The following COL21A1 variants were observed in gnomAD, a reference collection of about 807,000 sequenced individuals.
The protein encoded by COL21A1 is collagen alpha-1(XXI) chain.
A neutral mutation model predicts 137.9 loss-of-function variants in COL21A1; 149 were observed. The observed-to-expected ratio is 1.08, with a 90% CI of 0.95 to 1.24. COL21A1 has a LOEUF of 1.24. Among genes scored for constraint, COL21A1 ranks in the 50% most tolerant of loss-of-function variants. The pLI is 0.00. For missense variants in COL21A1, 1,167 were observed against 1,158.4 expected (o/e 1.01, Z -0.11); for synonymous variants, 456 against 391.5 (o/e 1.16, Z -1.95).
rs1770070671 is a variant in COL21A1, at chr6:56,098,648, A to ATATAAATATATAT, written c.1812+2823_1812+2824insATATATATTTATA. Among the ~76,000 whole-genome samples, 2 of 11,382 alleles carry ATATAAATATATAT rather than the reference A, an allele frequency of 1.8e-4. 1 individual carries two copies. Among genetic ancestry groups the ATATAAATATATAT allele is most frequent in the African/African-American group, 9.7e-4 (2 of 2,058 alleles). The allele number at this position is 11,382 out of a possible 152,430, so 7.5% of individuals were successfully genotyped here. A position where few individuals can be genotyped will look rare whatever the true frequency, so the allele number is the denominator to read the frequency against. On this transcript the variant is annotated intron_variant, in intron 17 of 29. Coordinates refer to ENST00000244728, the MANE Select transcript of COL21A1 (RefSeq NM_030820.4). ...ATAAATATATATATAAATATATATA[A>ATATAAATATATAT]ATATATAAATATATATAAATATATA...
intron 1 of COL21A1, among the ~76,000 whole-genome samples, chr6:56,324,842 A>G (rs10733186): frequency 0.99 from 149,908 of 152,068 alleles, 73,923 homozygotes; most frequent in Middle Eastern, 1. Flanking sequence ...CTCACCATCT[A>G]TCTTAAAGCG....
chr6:56,320,518 AAC>A (rs55942460), intron 1 of COL21A1, among the ~76,000 whole-genome samples: 16,929 of 149,496 alleles, frequency 0.11, 2,147 homozygotes, highest in East Asian at 0.54. Flanking sequence ...ACACAATCTG[AAC>A]ACACACACAC....
intron 1 of COL21A1, among the ~76,000 whole-genome samples, chr6:56,311,557 A>G (rs959183145): frequency 6.6e-6 from 1 of 152,222 alleles, no homozygotes; most frequent in Non-Finnish European, 1.5e-5. Context: ...TATAACAGGC[A>G]AACAGGGTTT....
intron 1 of COL21A1, among the ~76,000 whole-genome samples, chr6:56,203,125 T>G (rs1009806970): frequency 1.3e-5 from 2 of 152,202 alleles, no homozygotes; most frequent in African/African-American, 4.8e-5. Context: ...AATGGAAAAC[T>G]AATAAAACTT....
At chr6:56,086,478 G>A (rs1426386648) in intron 17 of COL21A1, among the ~76,000 whole-genome samples, 4 of 152,078 alleles carry the variant, frequency 2.6e-5, no homozygotes, top group African/African-American at 9.7e-5. Context: ...AAAGAAACTA[G>A]AGAAAAGCAA....
At chr6:56,301,661 C>G (rs1271782669) in intron 1 of COL21A1, among the ~76,000 whole-genome samples, 1 of 151,882 alleles carries the variant, frequency 6.6e-6, no homozygotes, top group African/African-American at 2.4e-5. Flanking sequence ...ATGTACTGTC[C>G]AACACAATAG....
Position 56,126,094 on chromosome 6 carries a change from A to G in COL21A1, c.1596+2T>C, listed in dbSNP as rs972233385. The G allele has an allele frequency of 9.7e-6, 15 of 1,539,948 alleles. No individual in the cohort carries two copies. Among genetic ancestry groups the G allele is most frequent in the Middle Eastern group, 3.3e-4 (2 of 5,992 alleles). The stretch of plus-strand genomic sequence containing the variant: ...TATTTAAAAGAAACAGATTTCTTCA[A>G]CCTTTGATCCTGGCATGCCATGAAG... On this transcript the variant is annotated splice_donor_variant, in intron 13 of 29. Coordinates refer to ENST00000244728, the MANE Select transcript of COL21A1 (RefSeq NM_030820.4). LOFTEE classifies it high-confidence loss of function.
intron 1 of COL21A1, among the ~76,000 whole-genome samples, chr6:56,322,463 G>A (rs1314469727): frequency 6.6e-6 from 1 of 152,110 alleles, no homozygotes; most frequent in African/African-American, 2.4e-5. Flanking sequence ...CCAGGAGATT[G>A]TCAAATCCCA....
chr6:56,152,020 T>C (rs1775371520), intron 10 of COL21A1, among the ~76,000 whole-genome samples: 1 of 152,242 alleles, frequency 6.6e-6, no homozygotes, highest in Admixed American at 6.5e-5. Flanking sequence ...ATCAGTTTCC[T>C]ACTGCTGCTA....
At chr6:56,257,475 A>T (rs1347846169) in intron 1 of COL21A1, among the ~76,000 whole-genome samples, 1 of 152,188 alleles carries the variant, frequency 6.6e-6, no homozygotes, top group Admixed American at 6.5e-5. Flanking sequence ...TAAATATATG[A>T]ACACATAAAT....
chr6:56,085,896 T>G (rs2114176131), intron 17 of COL21A1, among the ~76,000 whole-genome samples: 1 of 149,426 alleles, frequency 6.7e-6, no homozygotes, highest in East Asian at 1.9e-4. Flanking sequence ...GAGTATCATT[T>G]ATTTATATAT....
chr6:56,144,406 G>T (rs541942975), intron 10 of COL21A1, among the ~76,000 whole-genome samples: 1 of 152,162 alleles, frequency 6.6e-6, no homozygotes, highest in Admixed American at 6.5e-5. Context: ...TTAGAATTCT[G>T]AGTGCCCAGA....
intron 9 of COL21A1, among the ~76,000 whole-genome samples, chr6:56,163,773 A>G (rs888360670): frequency 6.6e-6 from 1 of 152,178 alleles, no homozygotes; most frequent in African/African-American, 2.4e-5. Flanking sequence ...CATATTATGT[A>G]TAAAACAACC....
intron 12 of COL21A1, among the ~76,000 whole-genome samples, chr6:56,128,860 G>A (rs1773267405): frequency 6.6e-6 from 1 of 152,032 alleles, no homozygotes; most frequent in South Asian, 2.1e-4. Context: ...TCACCCTGTT[G>A]GCCATGGTGG....
chr6:56,100,361 T>G (rs375245265), intron 17 of COL21A1, among the ~76,000 whole-genome samples: 1 of 152,314 alleles, frequency 6.6e-6, no homozygotes. Flanking sequence ...AATAGCCCCA[T>G]GCATTTGTGC....
intron 21 of COL21A1, among the ~76,000 whole-genome samples, chr6:56,069,451 T>C (rs548402060): frequency 5.2e-4 from 79 of 151,362 alleles, no homozygotes; most frequent in African/African-American, 1.8e-3. Flanking sequence ...CTTTTTTGTT[T>C]ACCTATTTAC....
At chr6:56,374,799 A>G (rs1364916800) in intron 1 of COL21A1, among the ~76,000 whole-genome samples, 1 of 152,132 alleles carries the variant, frequency 6.6e-6, no homozygotes, top group African/African-American at 2.4e-5. Flanking sequence ...GACATTCAGT[A>G]ACATCTAGGT....
At position 56,057,541 on chromosome 6, in the gene COL21A1, A is replaced by T. The variant is rs572511593; in HGVS notation, c.*116T>A. 3 of 943,318 alleles carry T rather than the reference A, an allele frequency of 3.2e-6. No individual in the cohort carries two copies. The highest frequency in any genetic ancestry group is 2.7e-5 in the East Asian group (1 of 37,422). 58.4% of individuals were successfully genotyped at this position (943,318 alleles called of 1,614,324 possible). A position where few individuals can be genotyped will look rare whatever the true frequency, so the allele number is the denominator to read the frequency against. On this transcript the variant is annotated 3_prime_UTR_variant, in exon 30 of 30. Coordinates refer to ENST00000244728, the MANE Select transcript of COL21A1 (RefSeq NM_030820.4). Reference sequence around the variant, plus strand: ...TTTTTTTCCATAAGAAAAAAAAAATAAAAACACCGAGGTACTTAAGTTTCT... The same window carrying T: ...TTTTTTTCCATAAGAAAAAAAAAATTAAAACACCGAGGTACTTAAGTTTCT...
intron 1 of COL21A1, among the ~76,000 whole-genome samples, chr6:56,230,061 G>T (rs1781456752): frequency 1.3e-5 from 2 of 151,830 alleles, no homozygotes; most frequent in African/African-American, 4.8e-5. Flanking sequence ...TAAATATTAT[G>T]ATATATTTGG....
Sources: gnomAD v4.1 joint callset for allele counts (sites outside exome capture counted in the v4.1 genomes callset) on GRCh38, gnomAD v4.1.1 for gene constraint, MANE v1.5 for transcripts, NCBI Gene and HGNC (gene_info 2026-07-23, HGNC 2026-07-21) for gene names.